Variants in DDC observed in about 807,000 individuals in gnomAD.
DDC encodes aromatic-L-amino-acid decarboxylase.
Under a neutral mutation model 60.0 loss-of-function variants are expected in DDC, and 43 were observed. The ratio of observed to expected loss-of-function variants is 0.72; its 90% CI spans 0.56 to 0.92. The LOEUF is 0.92. DDC is among the 40% of genes least tolerant of loss of function. The probability of loss-of-function intolerance (pLI) is 0.00; values close to 1 mark genes in which losing one functional copy is unlikely to be tolerated. For missense variants in DDC, 573 were observed against 620.2 expected (o/e 0.92, Z 0.81); for synonymous variants, 232 against 234.6 (o/e 0.99, Z 0.10).
chr7:50,526,266 GAAGA>G (rs1198951236), intron 6 of DDC, among the ~76,000 whole-genome samples: 1 of 152,076 alleles, frequency 6.6e-6, no homozygotes, highest in Non-Finnish European at 1.5e-5. Flanking sequence ...AGAAATCATG[GAAGA>G]AAGAATTCAA....
intron 6 of DDC, among the ~76,000 whole-genome samples, chr7:50,514,225 G>A (rs1585212901): frequency 6.6e-6 from 1 of 152,194 alleles, no homozygotes; most frequent in African/African-American, 2.4e-5. Flanking sequence ...CCAGAAAAGA[G>A]ACAACAATCA....
intron 1 of DDC, among the ~76,000 whole-genome samples, chr7:50,551,253 CG>C (rs1563050272): frequency 7.4e-6 from 1 of 136,028 alleles, no homozygotes; most frequent in Admixed American, 7.9e-5. Flanking sequence ...TTTTTTGAGA[CG>C]GGGCCTCACT....
intron 4 of DDC, among the ~76,000 whole-genome samples, chr7:50,536,514 T>C (rs2044416902): frequency 6.6e-6 from 1 of 151,986 alleles, no homozygotes; most frequent in Non-Finnish European, 1.5e-5. Flanking sequence ...GCTTTGAAAA[T>C]GGAAATGGGG....
chr7:50,525,509 A>G (rs533929723), intron 6 of DDC, among the ~76,000 whole-genome samples: 2 of 152,322 alleles, frequency 1.3e-5, no homozygotes, highest in South Asian at 4.1e-4. Flanking sequence ...CACTCCTGTA[A>G]TCCCAGCACT....
At chr7:50,466,493 G>GAAAAAAAAA (rs57396757) in intron 13 of DDC, among the ~76,000 whole-genome samples, 1 of 64,082 alleles carries the variant, frequency 1.6e-5, no homozygotes. Context: ...TCTCCAAAAA[G>GAAAAAAAAA]AAAAAAAAAA....
chr7:50,549,453 C>G (rs896250572), intron 1 of DDC, among the ~76,000 whole-genome samples: 1 of 152,060 alleles, frequency 6.6e-6, no homozygotes, highest in Non-Finnish European at 1.5e-5. Context: ...GAGATCGAGA[C>G]CATCCTGGCT....
At chr7:50,495,304 T>C (rs1316892973) in intron 9 of DDC, 46 bp downstream of exon 9, 2 of 1,460,816 alleles carry the variant, frequency 1.4e-6, no homozygotes, top group Admixed American at 1.7e-5. Context: ...CTTCTTTCAC[T>C]GTCACCTCGG....
At chr7:50,465,476 G>A (rs11978769) in intron 13 of DDC, among the ~76,000 whole-genome samples, 101,241 of 152,044 alleles carry the variant, frequency 0.67, 33,963 homozygotes, top group Admixed American at 0.74. Flanking sequence ...GTTCAATGTG[G>A]TTCTCCTGCC....
chr7:50,471,341 T>C (rs1412900682), intron 11 of DDC, among the ~76,000 whole-genome samples: 1 of 152,108 alleles, frequency 6.6e-6, no homozygotes, highest in Non-Finnish European at 1.5e-5. Context: ...GATGGCGCTA[T>C]TGCACTCAAG....
At chr7:50,542,094 C>T (rs1265079034) in intron 2 of DDC, among the ~76,000 whole-genome samples, 3 of 151,822 alleles carry the variant, frequency 2.0e-5, no homozygotes, top group East Asian at 1.9e-4. Context: ...TCCAGGCCCA[C>T]GACACTGTTA....
rs1158527076 is a variant in DDC at position 50,499,177 on chromosome 7, C to A, written c.847G>T (p.Glu283Ter). The stretch of plus-strand genomic sequence containing the variant: ...ACTCCATTCAGAAGGTGCCGGAACT[C>A]AGGGCAGATGAATGCACTGCCTGCG... Reference protein sequence around the residue: ...AYAGSAFICPEFRHLLNGVEF... With the variant: ...AYAGSAFICP Residue 283 changes from glutamate (E) to a stop codon, truncating the protein, a stop_gained, in exon 8 of 15, where the codon GAG (glutamate) becomes TAG (stop). Transcript: ENST00000444124. LOFTEE classifies it high-confidence loss of function. The A allele has an allele frequency of 2.5e-6, 4 of 1,613,996 alleles. No individual in the cohort carries two copies. The highest frequency in any genetic ancestry group is 3.4e-6 in the Non-Finnish European group (4 of 1,179,954).
Position 50,543,879 on chromosome 7 carries a change from A to C in DDC, c.201+6T>G. 6.2e-7 allele frequency: 1 copy of C among 1,613,746 alleles called. No homozygotes were observed. The highest frequency in any genetic ancestry group is 8.5e-7 in the Non-Finnish European group (1 of 1,179,766). On this transcript the variant is annotated splice_donor_region_variant and intron_variant, in intron 2 of 14. Transcript: ENST00000444124. Reference sequence around the variant, plus strand: ...TCCTGTTTTCTGACCTTGGATACACACTTACCCCAGGCATGATTATCTTCT... The same window carrying C: ...TCCTGTTTTCTGACCTTGGATACACCCTTACCCCAGGCATGATTATCTTCT...
At chr7:50,554,635 T>C (rs1374396971) in intron 1 of DDC, among the ~76,000 whole-genome samples, 1 of 152,232 alleles carries the variant, frequency 6.6e-6, no homozygotes, top group Non-Finnish European at 1.5e-5. Context: ...ATTTGTCAGA[T>C]TCTTTGATGA....
At chr7:50,491,584 GA>G (rs886322584) in intron 9 of DDC, among the ~76,000 whole-genome samples, 1 of 151,764 alleles carries the variant, frequency 6.6e-6, no homozygotes, top group Non-Finnish European at 1.5e-5. Flanking sequence ...TATGCCAAAG[GA>G]AAAAAAATAA....
At chr7:50,564,564 C>T (rs976640761) in intron 1 of DDC, among the ~76,000 whole-genome samples, 1 of 152,192 alleles carries the variant, frequency 6.6e-6, no homozygotes, top group Non-Finnish European at 1.5e-5. Context: ...TGATTTCCAT[C>T]GATTAAGCTT....
At chr7:50,513,456 C>A (rs1279316218) in intron 6 of DDC, among the ~76,000 whole-genome samples, 1 of 152,158 alleles carries the variant, frequency 6.6e-6, no homozygotes, top group African/African-American at 2.4e-5. Context: ...TGTAACAGTT[C>A]GAACGGATGA....
At chr7:50,462,122 G>A (rs1338937448) in intron 14 of DDC, among the ~76,000 whole-genome samples, 1 of 150,898 alleles carries the variant, frequency 6.6e-6, no homozygotes, top group Non-Finnish European at 1.5e-5. Context: ...AATCCCCCAC[G>A]GGTTATAATG....
chr7:50,529,307 C>A lies in DDC; in HGVS notation c.471G>T (p.Leu157=). 5 of 1,614,212 alleles carry A rather than the reference C, an allele frequency of 3.1e-6. No homozygotes were observed. In the South Asian group the frequency reaches 5.5e-5, roughly 18 times the overall value. The change falls in exon 5 of 15, where the codon CTG becomes CTT. Residue 157 remains leucine (L), a synonymous_variant. Transcript: ENST00000444124. ...SASEATLVAL[L]AARTKVIHRL... The stretch of plus-strand genomic sequence containing the variant: ...GATGGATCACTTTGGTCCGAGCGGC[C>A]AGCAGGGCCACCAGGGTGGCTTCAC...
rs774718054 is a variant in DDC at position 50,499,288 on chromosome 7, C to T, written c.782-46G>A. 4.3e-6 allele frequency: 6 copies of T among 1,386,016 alleles called. No individual in the cohort carries two copies. The Admixed American group carries it at 8.8e-5, about 20-fold the overall frequency. 85.9% of individuals were successfully genotyped at this position (1,386,016 alleles called of 1,614,324 possible). A position where few individuals can be genotyped will look rare whatever the true frequency, so the allele number is the denominator to read the frequency against. On this transcript the variant is annotated intron_variant, in intron 7 of 14. Coordinates refer to ENST00000444124, the MANE Select transcript of DDC (RefSeq NM_001082971.2). ...GTGAGTCCCCAGATGGATGCCTCAC[C>T]ACGGAGCCTGCCAGCTGACCTCGCC...
Sources: gnomAD v4.1 joint callset for allele counts (sites outside exome capture counted in the v4.1 genomes callset) on GRCh38, gnomAD v4.1.1 for gene constraint, MANE v1.5 for transcripts, NCBI Gene and HGNC (gene_info 2026-07-23, HGNC 2026-07-21) for gene names.